GPM6A: variants seen among roughly 807,000 people sequenced by gnomAD.
The protein encoded by GPM6A is neuronal membrane glycoprotein M6-a.
GPM6A carries 7 observed loss-of-function variants against 32.1 expected under a neutral mutation model. The observed-to-expected ratio is 0.22, with a 90% CI of 0.12 to 0.41. The LOEUF (loss-of-function observed/expected upper bound fraction) is 0.41. Among genes scored for constraint, GPM6A ranks in the 10% least tolerant of loss-of-function variants. GPM6A has a pLI of 1.00. For missense variants in GPM6A, 235 were observed against 347.2 expected, an observed-to-expected ratio of 0.68 and a Z score of 2.57; for synonymous variants, 130 against 123.4, an observed-to-expected ratio of 1.05 and a Z score of -0.35.
intron 1 of GPM6A, among the ~76,000 whole-genome samples, chr4:175,850,126 G>A (rs775955345): frequency 1.3e-5 from 2 of 152,084 alleles, no homozygotes; most frequent in Non-Finnish European, 2.9e-5. Context: ...TACTCAGCAC[G>A]AAAGAAGACA....
At chr4:175,882,904 A>G (rs559335932) in intron 1 of GPM6A, among the ~76,000 whole-genome samples, 85 of 152,260 alleles carry the variant, frequency 5.6e-4, no homozygotes, top group African/African-American at 2.0e-3. Context: ...GGAAAAACTG[A>G]TAGAAATTCA....
At chr4:175,722,108 A>G (rs767493324) in intron 1 of GPM6A, among the ~76,000 whole-genome samples, 4 of 152,144 alleles carry the variant, frequency 2.6e-5, no homozygotes, top group Non-Finnish European at 4.4e-5. Context: ...GCAACAAAAT[A>G]AGACCCCAAT....
chr4:175,730,563 C>T lies in GPM6A; in HGVS notation c.38-28796G>A, dbSNP rs866077188. On this transcript the variant is annotated intron_variant, in intron 1 of 6. Transcript: ENST00000393658. ...TCGGCTCACTGCAAGCTCCGCCTCC[C>T]GGGTTCACGCCATTCTCCTGCCTCA... Among the ~76,000 whole-genome samples the T allele has an allele frequency of 8.6e-5, 13 of 151,898 alleles. 1 individual carries two copies. The highest frequency in any genetic ancestry group is 6.2e-4 in the South Asian group (3 of 4,822).
chr4:175,945,840 A>G (rs1739584187), intron 1 of GPM6A, among the ~76,000 whole-genome samples: 1 of 152,006 alleles, frequency 6.6e-6, no homozygotes, highest in Non-Finnish European at 1.5e-5. Flanking sequence ...ATTACGTACA[A>G]CTCAGTAATA....
chr4:175,877,041 A>G (rs1043926467), intron 1 of GPM6A, among the ~76,000 whole-genome samples: 1 of 152,180 alleles, frequency 6.6e-6, no homozygotes, highest in Admixed American at 6.5e-5. Context: ...GAGGCTCTGG[A>G]AACATAATTG....
At chr4:175,982,184 G>A (rs1371659326) in intron 1 of GPM6A, among the ~76,000 whole-genome samples, 5 of 151,942 alleles carry the variant, frequency 3.3e-5, no homozygotes, top group Non-Finnish European at 7.4e-5. Context: ...ATTTCCCCCA[G>A]TATACGGTTT....
At chr4:175,637,351 A>ATTTT (rs1560842140) in intron 6 of GPM6A, among the ~76,000 whole-genome samples, 18 of 72,016 alleles carry the variant, frequency 2.5e-4, no homozygotes, top group African/African-American at 9.8e-4. Flanking sequence ...TTATATAAAA[A>ATTTT]TATATAATAT....
intron 1 of GPM6A, chr4:175,787,423 C>T (rs1028517657): frequency 1.3e-6 from 2 of 1,522,322 alleles, no homozygotes; most frequent in Admixed American, 4.2e-5. Context: ...CATAAGCTCT[C>T]TCCTGTGACA....
chr4:175,925,962 C>T (rs941692713), intron 1 of GPM6A, among the ~76,000 whole-genome samples: 2 of 151,574 alleles, frequency 1.3e-5, no homozygotes, highest in Admixed American at 1.3e-4. Flanking sequence ...AGCAATTCTC[C>T]TGCCCCAGCC....
chr4:175,859,927 A>T (rs960251428), intron 1 of GPM6A, among the ~76,000 whole-genome samples: 3 of 152,134 alleles, frequency 2.0e-5, no homozygotes, highest in African/African-American at 7.2e-5. Context: ...TAAAAAATAA[A>T]CTATACATTT....
At chr4:175,986,995 G>A (rs1218964397) in intron 1 of GPM6A, among the ~76,000 whole-genome samples, 2 of 152,086 alleles carry the variant, frequency 1.3e-5, no homozygotes, top group African/African-American at 4.8e-5. Flanking sequence ...AAAGTTTTAT[G>A]GATTAGCTCT....
At chr4:175,911,080 C>T (rs1261822384) in intron 1 of GPM6A, among the ~76,000 whole-genome samples, 1 of 152,092 alleles carries the variant, frequency 6.6e-6, no homozygotes, top group African/African-American at 2.4e-5. Flanking sequence ...GGTGAAATAA[C>T]CTCCCAAATC....
At chr4:175,969,286 G>T (rs1470275162) in intron 1 of GPM6A, among the ~76,000 whole-genome samples, 1 of 152,150 alleles carries the variant, frequency 6.6e-6, no homozygotes, top group Non-Finnish European at 1.5e-5. Flanking sequence ...GAGCACAGGG[G>T]ATTCTTAGGG....
chr4:175,640,136 A>G lies in GPM6A; in HGVS notation c.677T>C (p.Ile226Thr), dbSNP rs757535044. The G allele has an allele frequency of 6.2e-7, 1 of 1,612,968 alleles. No individual in the cohort carries two copies. Among genetic ancestry groups the G allele is most frequent in the South Asian group, 1.1e-5 (1 of 91,064 alleles). The change falls in exon 6 of 7, where the codon ATT becomes ACT. Residue 226 changes from isoleucine (I) to threonine (T), a missense_variant. Ile to Thr is a moderately conservative substitution (Grantham distance 89). Transcript: ENST00000393658. ...AGCGCTTTGAGGTCTTACCATAGCA[A>G]TGACTGCTGCCCCAGCTCCAGCAAG... ...VALAGAGAAVIAMVHYLMVLS... is the reference protein window; with the variant it reads ...VALAGAGAAVTAMVHYLMVLS...
At chr4:175,800,657 C>T (rs1340655589) in intron 1 of GPM6A, 5 of 155,782 alleles carry the variant, frequency 3.2e-5, no homozygotes, top group African/African-American at 1.2e-4. Flanking sequence ...TCAATGAAGG[C>T]TTCTGTTTCT....
At chr4:175,950,319 T>C (rs1561008160) in intron 1 of GPM6A, among the ~76,000 whole-genome samples, 2 of 152,198 alleles carry the variant, frequency 1.3e-5, no homozygotes, top group African/African-American at 2.4e-5. Flanking sequence ...TTTTTTACAT[T>C]ATTTTAATGG....
chr4:175,762,956 T>C (rs1369150632), intron 1 of GPM6A, among the ~76,000 whole-genome samples: 1 of 152,156 alleles, frequency 6.6e-6, no homozygotes, highest in East Asian at 1.9e-4. Flanking sequence ...AGGAGGTTTT[T>C]CTCTGGAGTA....
At chr4:175,649,521 A>G (rs1457875818) in intron 4 of GPM6A, among the ~76,000 whole-genome samples, 43 of 152,204 alleles carry the variant, frequency 2.8e-4, no homozygotes, top group Admixed American at 2.8e-3. Flanking sequence ...GTTTGATAAT[A>G]CCAAAGACCT....
At chr4:175,890,261 A>G (rs1737599008) in intron 1 of GPM6A, among the ~76,000 whole-genome samples, 1 of 152,198 alleles carries the variant, frequency 6.6e-6, no homozygotes. Context: ...GTAAAGTTGA[A>G]ATGTCCATCC....
Sources: allele counts gnomAD v4.1 joint callset (sites outside exome capture counted in the v4.1 genomes callset), GRCh38; gene constraint gnomAD v4.1.1; transcripts MANE v1.5; gene names NCBI Gene and HGNC (gene_info 2026-07-23, HGNC 2026-07-21).